The following CDKL3 variants were observed in gnomAD, a reference collection of about 807,000 sequenced individuals.
CDKL3 encodes the protein cyclin-dependent kinase-like 3.
A neutral mutation model predicts 69.3 loss-of-function variants in CDKL3; 65 were observed. The ratio of observed to expected loss-of-function variants is 0.94; its 90% confidence interval spans 0.77 to 1.15. The LOEUF (loss-of-function observed/expected upper bound fraction) is 1.15. CDKL3 is among the 50% of genes most tolerant of loss of function. The pLI is 0.00. For synonymous variants in CDKL3, 202 were observed against 221.6 expected, an observed-to-expected ratio of 0.91 and a Z score of 0.79; for missense variants, 652 against 689.2, an observed-to-expected ratio of 0.95 and a Z score of 0.61.
rs1245437663 is a variant in CDKL3, at chr5:134,319,447, C to A, written c.703G>T (p.Ala235Ser). The part of the protein sequence containing the change: ...QNIFSKSPIF[A>S]GVVLPQVQHP... Reference sequence around the variant, plus strand: ...TGAACTTGAGGAAGAACTACCCCAGCAAAAATGGGGCTCTTGGAAAAGATA... The same window carrying A: ...TGAACTTGAGGAAGAACTACCCCAGAAAAAATGGGGCTCTTGGAAAAGATA... Residue 235 changes from alanine to serine, a missense_variant, in exon 6 of 13, where the codon GCT becomes TCT. Coordinates refer to ENST00000265334, the MANE Select transcript of CDKL3 (RefSeq NM_001113575.2). 2.6e-6 allele frequency: 4 copies of A among 1,534,778 alleles called. No homozygotes were observed. The highest frequency in any genetic ancestry group is 1.7e-4 in the Middle Eastern group (1 of 5,952).
intron 12 of CDKL3, chr5:134,302,033 C>T (rs909663682): frequency 4.9e-6 from 2 of 404,636 alleles, no homozygotes; most frequent in Admixed American, 2.9e-5. Context: ...TCTTAAAAGA[C>T]TGTCTTTATA....
intron 12 of CDKL3, 90 bp from the exon 13 acceptor site, chr5:134,298,800 T>C (rs1765586181): frequency 1.3e-6 from 2 of 1,497,464 alleles, no homozygotes; most frequent in East Asian, 2.3e-5. Context: ...CTAAATTACA[T>C]GTAAATTACT....
At chr5:134,295,118 A>T (rs1183200517), downstream of CDKL3, among the ~76,000 whole-genome samples, 1 of 149,078 alleles carries the variant, frequency 6.7e-6, no homozygotes, top group Non-Finnish European at 1.5e-5. Flanking sequence ...GGGTTCAAGC[A>T]ATTATCCTGC....
chr5:134,321,263 T>G (rs1323643618), intron 5 of CDKL3, among the ~76,000 whole-genome samples: 2 of 152,050 alleles, frequency 1.3e-5, no homozygotes, highest in Non-Finnish European at 2.9e-5. Flanking sequence ...CCGCCTGCCT[T>G]GGCCTCCCAA....
At chr5:134,357,438 C>CAAAATAAAAT (rs71581394) in intron 3 of CDKL3, among the ~76,000 whole-genome samples, 292 of 148,618 alleles carry the variant, frequency 2.0e-3, no homozygotes, top group African/African-American at 6.6e-3. Flanking sequence ...GACTCTGTCT[C>CAAAATAAAAT]AAAATAAAAT....
chr5:134,301,888 AAAACAAACAAAC>A (rs113592653), intron 12 of CDKL3, among the ~76,000 whole-genome samples: 4 of 151,446 alleles, frequency 2.6e-5, no homozygotes, highest in Non-Finnish European at 4.4e-5. Flanking sequence ...CTCCGTCTCA[AAAACAAACAAAC>A]AAACAAACAA....
rs765585595 is a variant in CDKL3, at chr5:134,312,358, G to C, written c.815C>G (p.Ala272Gly). The C allele has an allele frequency of 3.1e-6, 5 of 1,594,092 alleles. No individual in the cohort carries two copies. The highest frequency in any genetic ancestry group is 3.4e-6 in the Non-Finnish European group (4 of 1,170,736). The change falls in exon 7 of 13, where the codon GCT (alanine) becomes GGT (glycine). Residue 272 changes from alanine to glycine, a missense_variant. Physicochemically the swap from Ala to Gly is moderately conservative, Grantham distance 60 (BLOSUM62 0). Coordinates refer to ENST00000265334, the MANE Select transcript of CDKL3 (RefSeq NM_001113575.2). ...IVHACLQIDP[A>G]DRISSSDLLH... Reference sequence around the variant, plus strand: ...AAGATCACTAGATGATATCCTGTCAGCAGGATCAATTTGTAAACAAGCCTA... The same window carrying C: ...AAGATCACTAGATGATATCCTGTCACCAGGATCAATTTGTAAACAAGCCTA...
Position 134,308,708 on chromosome 5 carries a change from C to T in CDKL3, c.901G>A (p.Ala301Thr). 6.3e-7 allele frequency: 1 copy of T among 1,596,448 alleles called. No homozygotes were observed. The highest frequency in any genetic ancestry group is 8.5e-7 in the Non-Finnish European group (1 of 1,175,574). Residue 301 changes from alanine (A) to threonine (T), a missense_variant, in exon 8 of 13, where the codon GCT (alanine) becomes ACT (threonine). Coordinates refer to ENST00000265334, the MANE Select transcript of CDKL3 (RefSeq NM_001113575.2). ...FIEKFMPELK[A>T]KLLQEAKVNS... Reference sequence around the variant, plus strand: ...ACTTTTGCTTCCTGCAGTAATTTAGCTTTCAGTTCTGGCATGAATCTGACA... The same window carrying T: ...ACTTTTGCTTCCTGCAGTAATTTAGTTTTCAGTTCTGGCATGAATCTGACA...
rs901689199 is a variant in CDKL3 at position 134,341,884 on chromosome 5, C to A, written c.539+8365G>T. Among the ~76,000 whole-genome samples, 13 of 152,320 alleles carry A rather than the reference C, an allele frequency of 8.5e-5. No individual in the cohort carries two copies. The South Asian group carries it at 1.0e-3, about 12-fold the overall frequency. On this transcript the variant is annotated intron_variant, in intron 4 of 12. Coordinates refer to ENST00000265334, the MANE Select transcript of CDKL3 (RefSeq NM_001113575.2). ...ACACCTGGTCGAACCAATCTGTGGG[C>A]CCTACATAAATCAGACACCATCTCC...
intron 4 of CDKL3, among the ~76,000 whole-genome samples, chr5:134,346,841 A>G (rs1189793487): frequency 6.6e-6 from 1 of 152,126 alleles, no homozygotes; most frequent in Non-Finnish European, 1.5e-5. Flanking sequence ...AATGCATTGA[A>G]ACCCATTAAA....
intron 12 of CDKL3, chr5:134,299,643 TA>T (rs1554075774): frequency 2.7e-6 from 4 of 1,495,494 alleles, no homozygotes; most frequent in Non-Finnish European, 3.5e-6. Context: ...AAAGGATTTT[TA>T]AAAAACCATA....
At chr5:134,284,972 T>A (rs1432001495), downstream of CDKL3, among the ~76,000 whole-genome samples, 2 of 152,148 alleles carry the variant, frequency 1.3e-5, no homozygotes, top group Non-Finnish European at 2.9e-5. Flanking sequence ...GCGACATACA[T>A]CCTCAGCTTA....
intron 2 of CDKL3, among the ~76,000 whole-genome samples, chr5:134,365,681 A>G (rs1172948705): frequency 6.6e-6 from 1 of 152,224 alleles, no homozygotes; most frequent in East Asian, 1.9e-4. Context: ...TTAGCCTAAA[A>G]GACTTTAAAA....
intron 8 of CDKL3, among the ~76,000 whole-genome samples, chr5:134,288,559 C>T (rs1468402378): frequency 6.6e-6 from 1 of 152,168 alleles, no homozygotes; most frequent in Non-Finnish European, 1.5e-5. Context: ...AGGCAGTATG[C>T]AACAAGAGTA....
intron 4 of CDKL3, among the ~76,000 whole-genome samples, chr5:134,337,359 C>T (rs1321550127): frequency 6.6e-6 from 1 of 152,200 alleles, no homozygotes; most frequent in Non-Finnish European, 1.5e-5. Context: ...GTGGGCCGTA[C>T]CCACTGTCCA....
intron 6 of CDKL3, among the ~76,000 whole-genome samples, chr5:134,318,144 A>G (rs1771675569): frequency 6.6e-6 from 1 of 151,656 alleles, no homozygotes; most frequent in Non-Finnish European, 1.5e-5. Context: ...GCTTCAACCC[A>G]GGAGGCGGAG....
chr5:134,363,072 T>C (rs1189219114), intron 2 of CDKL3, among the ~76,000 whole-genome samples: 1 of 152,138 alleles, frequency 6.6e-6, no homozygotes, highest in Non-Finnish European at 1.5e-5. Flanking sequence ...TCCAAAATGA[T>C]TAAATAGAAA....
chr5:134,362,854 G>A (rs1756385119), intron 2 of CDKL3, among the ~76,000 whole-genome samples: 1 of 152,144 alleles, frequency 6.6e-6, no homozygotes. Flanking sequence ...CTTGAACCTG[G>A]GAGGCAGAGG....
Position 134,308,647 on chromosome 5 carries a change from T to A in CDKL3, c.962A>T (p.Glu321Val). The A allele has an allele frequency of 6.2e-7, 1 of 1,609,918 alleles. No individual in the cohort carries two copies. The highest frequency in any genetic ancestry group is 1.7e-5 in the Admixed American group (1 of 59,060). ...SLIKPKESSK[E>V]NELRKDERKT... is the part of the protein sequence containing the mutation. ...TCTTTCATCTTTCCTGAGTTCATTT[T>A]CTTTAGAACTCTCTTTTGGCTTTAT... is the stretch of plus-strand genomic sequence containing the variant. The change falls in exon 8 of 13, where the codon GAA becomes GTA. Residue 321 changes from glutamate (E) to valine (V), a missense_variant. Glu to Val is a moderately radical substitution (Grantham distance 121). Coordinates refer to ENST00000265334, the MANE Select transcript of CDKL3 (RefSeq NM_001113575.2).
Sources: allele counts gnomAD v4.1 joint callset (sites outside exome capture counted in the v4.1 genomes callset), GRCh38; gene constraint gnomAD v4.1.1; transcripts MANE v1.5; gene names NCBI Gene and HGNC (gene_info 2026-07-23, HGNC 2026-07-21).